Variants in SNTB2 observed in about 807,000 individuals in gnomAD.
The protein encoded by SNTB2 is syntrophin beta 2, also known as beta-2-syntrophin.
A neutral mutation model predicts 46.2 loss-of-function variants in SNTB2; 34 were observed. The ratio of observed to expected loss-of-function variants is 0.74; its 90% CI spans 0.56 to 0.98. The LOEUF is 0.98. SNTB2 is among the 50% of genes least tolerant of loss of function. SNTB2 has a pLI of 0.00. For missense variants in SNTB2, 603 were observed against 731.4 expected, an observed-to-expected ratio of 0.82 and a Z score of 2.02; for synonymous variants, 290 against 312.6, an observed-to-expected ratio of 0.93 and a Z score of 0.76.
chr16:69,199,457 C>T (rs904395423), intron 1 of SNTB2, among the ~76,000 whole-genome samples: 2 of 151,926 alleles, frequency 1.3e-5, no homozygotes, highest in Non-Finnish European at 2.9e-5. Context: ...TGGCCTGGCG[C>T]AGTGGCTCAC....
At chr16:69,224,528 G>C (rs912521714) in intron 1 of SNTB2, among the ~76,000 whole-genome samples, 3 of 152,068 alleles carry the variant, frequency 2.0e-5, no homozygotes, top group African/African-American at 7.2e-5. Context: ...TAAGTATCTT[G>C]GAAAATATGG....
rs562244180 is a variant in SNTB2 at position 69,211,023 on chromosome 16, C to T, written c.580+23277C>T. Among the ~76,000 whole-genome samples the T allele has an allele frequency of 2.5e-4, 38 of 152,156 alleles. No individual in the cohort carries two copies. In the South Asian group the frequency reaches 7.9e-3, roughly 32 times the overall value. On this transcript the variant is annotated intron_variant, in intron 1 of 6. Transcript: ENST00000336278. ...TATATATATTTTGTAGAGACAGGTT[C>T]TTGCTGTGTTGCCCAGGGTGGTTTT...
In SNTB2 at chr16:69,207,141, CT is replaced by C. The variant is rs201263452; in HGVS notation, c.580+19399del. Among the ~76,000 whole-genome samples, 493 of 119,350 alleles carry C rather than the reference CT, an allele frequency of 4.1e-3. 2 individuals are homozygous for C. The highest frequency in any genetic ancestry group is 0.016 in the African/African-American group (471 of 28,772). 78.3% of individuals were successfully genotyped at this position (119,350 alleles called of 152,430 possible). A position where few individuals can be genotyped will look rare whatever the true frequency, so the allele number is the denominator to read the frequency against. ...AAAGTATAGATTTTCCTTTTCTTTT[CT>C]TTTCTTTCTTTCTTTTTTTTTTTTT... On this transcript the variant is annotated intron_variant, in intron 1 of 6. Transcript: ENST00000336278.
At chr16:69,199,095 G>A (rs12924131) in intron 1 of SNTB2, among the ~76,000 whole-genome samples, 49,532 of 151,656 alleles carry the variant, frequency 0.33, 8,721 homozygotes, top group African/African-American at 0.44. Context: ...GGGTTTCTCC[G>A]TGTTGGTTAG....
rs539827839 is a variant in SNTB2 at position 69,200,264 on chromosome 16, G to C, written c.580+12518G>C. Among the ~76,000 whole-genome samples, 34 of 152,274 alleles carry C rather than the reference G, an allele frequency of 2.2e-4. No homozygotes were observed. In the South Asian group the frequency reaches 6.4e-3, roughly 29 times the overall value. On this transcript the variant is annotated intron_variant, in intron 1 of 6. Transcript: ENST00000336278. ...TGCTTACAGTGAGTTTAGGAATTTA[G>C]ATATTAGGCGTATTTTGACAAAATG...
Position 69,206,428 on chromosome 16 carries a change from G to A in SNTB2, c.580+18682G>A, listed in dbSNP as rs536235870. On this transcript the variant is annotated intron_variant, in intron 1 of 6. Coordinates refer to ENST00000336278, the MANE Select transcript of SNTB2 (RefSeq NM_006750.4). ...CAAGAAAATATTTTCTAGGCCAGGC[G>A]CGGTGGCTCACGCCTGTAATCCCAG... Among the ~76,000 whole-genome samples, 33 of 152,200 alleles carry A rather than the reference G, an allele frequency of 2.2e-4. No individual in the cohort carries two copies. The South Asian group carries it at 4.2e-3, about 19-fold the overall frequency.
At chr16:69,242,691 T>C (rs758696114) in intron 1 of SNTB2, among the ~76,000 whole-genome samples, 11 of 152,096 alleles carry the variant, frequency 7.2e-5, no homozygotes, top group Non-Finnish European at 1.5e-4. Context: ...AGTAATGCTT[T>C]TGGGGTGGGA....
At chr16:69,250,746 C>G (rs1374901829) in intron 2 of SNTB2, among the ~76,000 whole-genome samples, 1 of 151,812 alleles carries the variant, frequency 6.6e-6, no homozygotes, top group African/African-American at 2.4e-5. Flanking sequence ...CATGGTGGCA[C>G]ACACCTGTAA....
intron 4 of SNTB2, among the ~76,000 whole-genome samples, chr16:69,275,593 CAAG>C (rs978326892): frequency 6.6e-6 from 1 of 151,992 alleles, no homozygotes; most frequent in African/African-American, 2.4e-5. Context: ...CTGAGAGAGA[CAAG>C]AAGATGAAAC....
At chr16:69,243,788 T>C (rs956728101) in intron 1 of SNTB2, among the ~76,000 whole-genome samples, 1 of 152,194 alleles carries the variant, frequency 6.6e-6, no homozygotes, top group East Asian at 1.9e-4. Context: ...AAAAATCTCC[T>C]TGGTGACCTG....
intron 4 of SNTB2, among the ~76,000 whole-genome samples, chr16:69,277,489 T>A (rs190217083): frequency 1.4e-4 from 21 of 152,366 alleles, no homozygotes; most frequent in Admixed American, 1.1e-3. Flanking sequence ...ACCAGTTGAT[T>A]TTTAATGTAA....
chr16:69,271,659 G>T (rs113261117), intron 4 of SNTB2, among the ~76,000 whole-genome samples: 21 of 152,192 alleles, frequency 1.4e-4, no homozygotes, highest in African/African-American at 4.6e-4. Context: ...TATTTTCCAA[G>T]ATTTAGAATT....
At chr16:69,225,387 C>CA (rs1964448996) in intron 1 of SNTB2, among the ~76,000 whole-genome samples, 1 of 152,214 alleles carries the variant, frequency 6.6e-6, no homozygotes, top group Non-Finnish European at 1.5e-5. Flanking sequence ...CACTTAGCAA[C>CA]AAAAATACGG....
rs911150943 is a variant in SNTB2 at position 69,281,496 on chromosome 16, T to G, written c.1149-2552T>G. 5.9e-4 allele frequency among the ~76,000 whole-genome samples: 81 copies of G among 136,660 alleles called. 1 individual carries two copies. Among genetic ancestry groups the G allele is most frequent in the African/African-American group, 1.3e-3 (52 of 40,244 alleles). 89.7% of individuals were successfully genotyped at this position (136,660 alleles called of 152,430 possible). On this transcript the variant is annotated intron_variant, in intron 4 of 6. Coordinates refer to ENST00000336278, the MANE Select transcript of SNTB2 (RefSeq NM_006750.4). ...GTATGTAAGGTCTGGTTTTTTTTTT[T>G]TTGTTTTTTTTTTTTTACATATGGA... is the stretch of plus-strand genomic sequence containing the variant.
intron 2 of SNTB2, among the ~76,000 whole-genome samples, chr16:69,247,070 TAAAAA>T (rs368384171): frequency 1.4e-5 from 2 of 143,060 alleles, no homozygotes; most frequent in Non-Finnish European, 3.1e-5. Context: ...ATATATATAT[TAAAAA>T]AAAAAAAGAA....
intron 2 of SNTB2, among the ~76,000 whole-genome samples, chr16:69,255,888 A>C (rs1390417114): frequency 2.0e-5 from 3 of 150,924 alleles, no homozygotes; most frequent in Non-Finnish European, 4.4e-5. Flanking sequence ...AAAAAAAAAA[A>C]AAAATTGGTT....
intron 1 of SNTB2, among the ~76,000 whole-genome samples, chr16:69,222,807 T>C (rs1006611433): frequency 6.6e-6 from 1 of 151,896 alleles, no homozygotes; most frequent in African/African-American, 2.4e-5. Flanking sequence ...GAGATGGGAG[T>C]TTTTGCTCTT....
intron 4 of SNTB2, among the ~76,000 whole-genome samples, chr16:69,275,869 G>A (rs1279111086): frequency 2.6e-5 from 4 of 152,180 alleles, no homozygotes; most frequent in Non-Finnish European, 4.4e-5. Context: ...AAAATTAAGA[G>A]TTGATTGTAG....
At position 69,306,854 on chromosome 16, in the gene SNTB2, T is replaced by G. The variant is rs1965320665; in HGVS notation, c.*5930T>G. ...CGGGAGGCTGAGGTGGGAGAATCCC[T>G]TGAACCCAGGAGGCAGAAGTTGCAG... On this transcript the variant is annotated 3_prime_UTR_variant, in exon 7 of 7. Transcript: ENST00000336278. 1.3e-5 allele frequency: 2 copies of G among 152,256 alleles called. No individual in the cohort carries two copies. 9.4% of individuals were successfully genotyped at this position (152,256 alleles called of 1,614,324 possible).
Sources: gnomAD v4.1 joint callset for allele counts (sites outside exome capture counted in the v4.1 genomes callset) on GRCh38, gnomAD v4.1.1 for gene constraint, MANE v1.5 for transcripts, NCBI Gene and HGNC (gene_info 2026-07-23, HGNC 2026-07-21) for gene names.